The following PHACTR1 variants were observed in gnomAD, a reference collection of about 807,000 sequenced individuals.
PHACTR1 encodes the protein phosphatase and actin regulator 1.
A neutral mutation model predicts 69.2 loss-of-function variants in PHACTR1; 16 were observed. The ratio of observed to expected loss-of-function variants is 0.23; its 90% confidence interval spans 0.16 to 0.35. The LOEUF is 0.35. PHACTR1 is among the 10% of genes least tolerant of loss of function. The probability of loss-of-function intolerance (pLI) is 1.00; values close to 1 mark genes in which losing one functional copy is unlikely to be tolerated. For missense variants in PHACTR1, 510 were observed against 734.7 expected (o/e 0.69, Z 3.54); for synonymous variants, 312 against 284.5 (o/e 1.10, Z -0.97).
intron 4 of PHACTR1, among the ~76,000 whole-genome samples, chr6:12,902,558 T>C (rs1430420141): frequency 3.3e-5 from 5 of 152,194 alleles, no homozygotes; most frequent in South Asian, 2.1e-4. Flanking sequence ...CGGGTAAACA[T>C]AGTGTCAGCT....
At chr6:13,151,443 C>A (rs914467864) in intron 5 of PHACTR1, among the ~76,000 whole-genome samples, 4 of 152,178 alleles carry the variant, frequency 2.6e-5, no homozygotes, top group Non-Finnish European at 4.4e-5. Context: ...AAATACCCGG[C>A]CCAGAAATTG....
intron 4 of PHACTR1, among the ~76,000 whole-genome samples, chr6:12,793,169 G>A (rs534276559): frequency 6.6e-6 from 1 of 152,326 alleles, no homozygotes; most frequent in Admixed American, 6.5e-5. Flanking sequence ...TATTAGGTCA[G>A]TATTTTATGA....
At chr6:12,990,917 C>T (rs547246491) in intron 4 of PHACTR1, among the ~76,000 whole-genome samples, 41 of 152,290 alleles carry the variant, frequency 2.7e-4, no homozygotes, top group African/African-American at 8.7e-4. Context: ...TCTATAGTCT[C>T]CAATGCTCTG....
intron 4 of PHACTR1, among the ~76,000 whole-genome samples, chr6:12,786,549 G>A (rs1172336550): frequency 1.3e-5 from 2 of 152,202 alleles, no homozygotes; most frequent in Non-Finnish European, 2.9e-5. Context: ...GTGCCTATGT[G>A]CTTCAGGTTT....
intron 4 of PHACTR1, among the ~76,000 whole-genome samples, chr6:13,046,448 G>A (rs938437650): frequency 6.6e-6 from 1 of 152,164 alleles, no homozygotes; most frequent in South Asian, 2.1e-4. Flanking sequence ...AAGGGATGGG[G>A]TGGAGGAGGG....
chr6:12,769,251 G>A (rs761848498), intron 4 of PHACTR1, among the ~76,000 whole-genome samples: 9 of 152,212 alleles, frequency 5.9e-5, no homozygotes, highest in Non-Finnish European at 1.3e-4. Flanking sequence ...GTTTAAAGTG[G>A]TGGGTACGGT....
At chr6:13,176,820 GTTAT>G (rs1761382732) in intron 6 of PHACTR1, among the ~76,000 whole-genome samples, 1 of 151,928 alleles carries the variant, frequency 6.6e-6, no homozygotes, top group African/African-American at 2.4e-5. Context: ...ATATTCAATG[GTTAT>G]TTATTAAATA....
At chr6:12,885,816 C>T (rs140259681) in intron 4 of PHACTR1, among the ~76,000 whole-genome samples, 18 of 152,334 alleles carry the variant, frequency 1.2e-4, no homozygotes, top group Middle Eastern at 3.4e-3. Flanking sequence ...TCCAAGAGGC[C>T]GGACACAGTG....
chr6:13,149,040 T>A (rs983889145), intron 5 of PHACTR1, among the ~76,000 whole-genome samples: 1 of 152,032 alleles, frequency 6.6e-6, no homozygotes, highest in African/African-American at 2.4e-5. Flanking sequence ...GGTTTTCGGT[T>A]GTGTTTGTTT....
intron 12 of PHACTR1, among the ~76,000 whole-genome samples, chr6:13,282,215 C>G (rs1203334452): frequency 6.6e-6 from 1 of 152,156 alleles, no homozygotes; most frequent in Non-Finnish European, 1.5e-5. Flanking sequence ...TAGAATTACA[C>G]AGAGTCTAGG....
chr6:13,150,729 A>C (rs912441118), intron 5 of PHACTR1, among the ~76,000 whole-genome samples: 1 of 152,186 alleles, frequency 6.6e-6, no homozygotes, highest in African/African-American at 2.4e-5. Flanking sequence ...TGGTCTTTTG[A>C]AATGGAAGAC....
chr6:12,830,333 GA>G (rs11434951), intron 4 of PHACTR1, among the ~76,000 whole-genome samples: 76 of 139,848 alleles, frequency 5.4e-4, no homozygotes, highest in East Asian at 2.0e-3. Context: ...AAGGGCTTTA[GA>G]AAAAAAAAAA....
At chr6:12,949,089 G>A (rs1484978091) in intron 4 of PHACTR1, among the ~76,000 whole-genome samples, 1 of 152,090 alleles carries the variant, frequency 6.6e-6, no homozygotes, top group South Asian at 2.1e-4. Flanking sequence ...TGACCAACAT[G>A]GAGAAAACCC....
chr6:13,260,845 A>G (rs111454958), intron 10 of PHACTR1, among the ~76,000 whole-genome samples: 6 of 152,352 alleles, frequency 3.9e-5, no homozygotes, highest in African/African-American at 1.2e-4. Context: ...TAAGGGCTCC[A>G]AAAGGCCACT....
intron 4 of PHACTR1, among the ~76,000 whole-genome samples, chr6:12,753,242 G>A (rs375096728): frequency 6.6e-6 from 1 of 152,174 alleles, no homozygotes; most frequent in African/African-American, 2.4e-5. Context: ...TTATGAGGTC[G>A]TTCATTCACT....
rs766536958 is a variant in PHACTR1 at position 13,017,333 on chromosome 6, CTG to C, written c.251-36017_251-36016del. ...TAGGTATTGTGGTGTCTGTTTATAT[CTG>C]TGTGTGTGTGTGTGATGTATACATG... is the stretch of plus-strand genomic sequence containing the variant. On this transcript the variant is annotated intron_variant, in intron 4 of 14. Transcript: ENST00000332995. Among the ~76,000 whole-genome samples the C allele has an allele frequency of 1.7e-4, 25 of 150,364 alleles. No individual in the cohort carries two copies. In the South Asian group the frequency reaches 2.3e-3, roughly 14 times the overall value.
chr6:12,832,846 A>G (rs1262510683), intron 4 of PHACTR1, among the ~76,000 whole-genome samples: 3 of 152,130 alleles, frequency 2.0e-5, no homozygotes, highest in Non-Finnish European at 2.9e-5. Context: ...GTGGAATAAT[A>G]TGCTAAATGC....
chr6:13,281,195 T>G, intron 12 of PHACTR1: 1 of 1,173,384 alleles, frequency 8.5e-7, no homozygotes, highest in South Asian at 1.5e-5. Flanking sequence ...CAGGTCAGTT[T>G]CCAGGAAGAG....
chr6:13,187,024 C>A lies in PHACTR1; in HGVS notation c.664+4338C>A, dbSNP rs6941008. ...ACATGCAGCCTGGATTCCTCACATG[C>A]GCAGTTCACAATAGGGTTCGCGCTC... On this transcript the variant is annotated intron_variant, in intron 7 of 14. Transcript: ENST00000332995. Among the ~76,000 whole-genome samples, 1,313 of 152,150 alleles carry A rather than the reference C, an allele frequency of 8.6e-3. 36 individuals carry two copies. In the East Asian group the frequency reaches 0.11, roughly 12 times the overall value.
Sources: allele counts gnomAD v4.1 joint callset (sites outside exome capture counted in the v4.1 genomes callset), GRCh38; gene constraint gnomAD v4.1.1; transcripts MANE v1.5; gene names NCBI Gene and HGNC (gene_info 2026-07-23, HGNC 2026-07-21).